Variants in PPP1R3B observed in about 807,000 individuals in gnomAD.
PPP1R3B encodes the protein PP1 subunit R4.
A neutral mutation model predicts 14.6 loss-of-function variants in PPP1R3B; 8 were observed. That is an observed-to-expected ratio of 0.55 (90% CI 0.32 to 0.99). The LOEUF (loss-of-function observed/expected upper bound fraction) is 0.99. PPP1R3B is among the 50% of genes least tolerant of loss of function. The probability of loss-of-function intolerance (pLI) is 0.04; values close to 1 mark genes in which losing one functional copy is unlikely to be tolerated. For missense variants in PPP1R3B, 452 were observed against 360.1 expected, an observed-to-expected ratio of 1.26 and a Z score of -2.07; for synonymous variants, 169 against 142.0, an observed-to-expected ratio of 1.19 and a Z score of -1.35.
In PPP1R3B at chr8:9,140,565, C is replaced by T. The variant is rs775397570; in HGVS notation, c.*229G>A. On this transcript the variant is annotated 3_prime_UTR_variant, in exon 2 of 2. Transcript: ENST00000310455. ...ACAGACTCTCGTGGCTGCCACAGTG[C>T]GAAAGCGCGCCAGCCACCACTGCTC... The T allele has an allele frequency of 5.0e-5, 29 of 578,110 alleles. No homozygotes were observed. The highest frequency in any genetic ancestry group is 2.9e-4 in the African/African-American group (14 of 48,560). The allele number at this position is 578,110 out of a possible 1,614,324, so 35.8% of individuals were successfully genotyped here.
chr8:9,141,569 G>C lies in PPP1R3B; in HGVS notation c.83C>G (p.Pro28Arg), dbSNP rs146186789. Reference sequence around the variant, plus strand: ...AGGCCTCAGTGGTTTGCTGGGCTTTGGTGAGATCTTAAAGGCAAACCTCTC... The same window carrying C: ...AGGCCTCAGTGGTTTGCTGGGCTTTCGTGAGATCTTAAAGGCAAACCTCTC... ...RQERFAFKIS[P>R]KPSKPLRPCI... Residue 28 changes from proline (P) to arginine (R), a missense_variant, in exon 2 of 2, where the codon CCA (proline) becomes CGA (arginine). Pro to Arg is a moderately radical substitution (Grantham distance 103). Transcript: ENST00000310455. 1.2e-5 allele frequency: 19 copies of C among 1,614,018 alleles called. No homozygotes were observed. In the African/African-American group the frequency reaches 1.9e-4, roughly 16 times the overall value.
intron 1 of PPP1R3B, among the ~76,000 whole-genome samples, chr8:9,143,096 A>C (rs1268320962): frequency 6.6e-6 from 1 of 152,142 alleles, no homozygotes; most frequent in East Asian, 1.9e-4. Flanking sequence ...TATTTTCCAT[A>C]ATGGCTGTAC....
Position 9,149,363 on chromosome 8 carries a change from C to T in PPP1R3B, c.-18+1200G>A, listed in dbSNP as rs148679820. Among the ~76,000 whole-genome samples, 485 of 150,736 alleles carry T rather than the reference C, an allele frequency of 3.2e-3. 3 individuals carry two copies. The highest frequency in any genetic ancestry group is 0.012 in the African/African-American group (473 of 40,970). On this transcript the variant is annotated intron_variant, in intron 1 of 1. Coordinates refer to ENST00000310455, the MANE Select transcript of PPP1R3B (RefSeq NM_024607.4). ...AAAATACAAATAAAAATTAGCTGGG[C>T]GTGGTGGCGGGCGCCTGTAGTCCCA...
upstream of PPP1R3B, chr8:9,151,366 C>A (rs1426626389): frequency 6.4e-6 from 1 of 155,974 alleles, no homozygotes; most frequent in Non-Finnish European, 1.4e-5. Flanking sequence ...CTCATAAGTC[C>A]CGAGGGCAGA....
chr8:9,147,791 A>G (rs1563128786), intron 1 of PPP1R3B, among the ~76,000 whole-genome samples: 1 of 149,624 alleles, frequency 6.7e-6, no homozygotes, highest in Non-Finnish European at 1.5e-5. Flanking sequence ...AGCTAATTAA[A>G]CAATGCTGCT....
intron 1 of PPP1R3B, among the ~76,000 whole-genome samples, chr8:9,147,587 C>A (rs943409210): frequency 7.2e-5 from 11 of 152,070 alleles, no homozygotes; most frequent in African/African-American, 2.7e-4. Context: ...ATCAAAGAAT[C>A]TACACACAGC....
chr8:9,148,653 A>G (rs188489589), intron 1 of PPP1R3B, among the ~76,000 whole-genome samples: 77 of 152,358 alleles, frequency 5.1e-4, no homozygotes, highest in African/African-American at 1.8e-3. Context: ...ATAGTTTTGC[A>G]TAAATGCTTT....
Position 9,136,683 on chromosome 8 carries a change from C to T in PPP1R3B, c.*4111G>A, listed in dbSNP as rs893754463. ...CACTGCAGGAAATTAAGATAAGCTG[C>T]CAAATTGTCTTTGTGTGACCCTATA... is the stretch of plus-strand genomic sequence containing the variant. On this transcript the variant is annotated 3_prime_UTR_variant, in exon 2 of 2. Coordinates refer to ENST00000310455, the MANE Select transcript of PPP1R3B (RefSeq NM_024607.4). 6.6e-6 allele frequency: 1 copy of T among 152,206 alleles called. No individual in the cohort carries two copies. Among genetic ancestry groups the T allele is most frequent in the Non-Finnish European group, 1.5e-5 (1 of 68,032 alleles). The allele number at this position is 152,206 out of a possible 1,614,324, so 9.4% of individuals were successfully genotyped here.
At position 9,136,452 on chromosome 8, in the gene PPP1R3B, G is replaced by C. The variant is rs1800891692; in HGVS notation, c.*4342C>G. On this transcript the variant is annotated 3_prime_UTR_variant, in exon 2 of 2. Coordinates refer to ENST00000310455, the MANE Select transcript of PPP1R3B (RefSeq NM_024607.4). Reference sequence around the variant, plus strand: ...AGGTATAAAATGAAGATGAGTCCTTGGTTCTACATTCACACTGAAGTAATA... The same window carrying C: ...AGGTATAAAATGAAGATGAGTCCTTCGTTCTACATTCACACTGAAGTAATA... 6.6e-6 allele frequency: 1 copy of C among 152,170 alleles called. No individual in the cohort carries two copies. Among genetic ancestry groups the C allele is most frequent in the Non-Finnish European group, 1.5e-5 (1 of 68,022 alleles). 9.4% of individuals were successfully genotyped at this position (152,170 alleles called of 1,614,324 possible).
At chr8:9,147,766 T>C (rs1225017397) in intron 1 of PPP1R3B, among the ~76,000 whole-genome samples, 2 of 137,724 alleles carry the variant, frequency 1.5e-5, no homozygotes, top group Non-Finnish European at 3.2e-5. Context: ...GAGGCCAGGC[T>C]CTAGTCAGAG....
intron 1 of PPP1R3B, among the ~76,000 whole-genome samples, chr8:9,149,211 C>CAAAA (rs1159925535): frequency 1.1e-5 from 1 of 92,244 alleles, no homozygotes; most frequent in African/African-American, 4.5e-5. Context: ...AAAAAAAAGG[C>CAAAA]AAAAAAAGGC....
rs1800964841 is a variant in PPP1R3B at position 9,138,439 on chromosome 8, G to GC, written c.*2354dup. 1 of 152,140 alleles carries GC rather than the reference G, an allele frequency of 6.6e-6. No homozygotes were observed. The highest frequency in any genetic ancestry group is 2.1e-4 in the South Asian group (1 of 4,826). 9.4% of individuals were successfully genotyped at this position (152,140 alleles called of 1,614,324 possible). A position where few individuals can be genotyped will look rare whatever the true frequency, so the allele number is the denominator to read the frequency against. On this transcript the variant is annotated 3_prime_UTR_variant, in exon 2 of 2. Transcript: ENST00000310455. ...TTAGGAGTAAGAATTACATCGAATA[G>GC]CCTTAAGAGCATTTAAAAAGTCAAG...
intron 1 of PPP1R3B, among the ~76,000 whole-genome samples, chr8:9,147,569 A>C (rs1352425377): frequency 6.6e-6 from 1 of 151,580 alleles, no homozygotes; most frequent in East Asian, 2.0e-4. Context: ...GCCAAAGCAA[A>C]AGGATCAATC....
intron 1 of PPP1R3B, among the ~76,000 whole-genome samples, chr8:9,146,333 GGT>G (rs980080419): frequency 1.3e-5 from 2 of 152,126 alleles, no homozygotes; most frequent in Non-Finnish European, 1.5e-5. Flanking sequence ...CACAGGTGTA[GGT>G]GTGTGATGAC....
intron 1 of PPP1R3B, among the ~76,000 whole-genome samples, chr8:9,148,353 G>A (rs553967934): frequency 1.4e-3 from 206 of 152,194 alleles, no homozygotes; most frequent in African/African-American, 4.6e-3. Context: ...CTTTTCCCAG[G>A]CCAGGGAATA....
intron 1 of PPP1R3B, among the ~76,000 whole-genome samples, chr8:9,147,995 G>C (rs1012398502): frequency 1.3e-5 from 2 of 152,116 alleles, no homozygotes; most frequent in African/African-American, 4.8e-5. Context: ...GCCTCAATCT[G>C]GGGTATGACT....
chr8:9,144,010 T>C (rs556225860), intron 1 of PPP1R3B, among the ~76,000 whole-genome samples: 6 of 151,896 alleles, frequency 4.0e-5, no homozygotes, highest in South Asian at 4.1e-4. Flanking sequence ...ATATTCCACA[T>C]AGAAAAATAA....
intron 1 of PPP1R3B, among the ~76,000 whole-genome samples, chr8:9,147,372 T>C (rs1801274072): frequency 6.6e-6 from 1 of 152,028 alleles, no homozygotes; most frequent in Non-Finnish European, 1.5e-5. Flanking sequence ...ACTCTACCCA[T>C]CCTGAAAAAT....
chr8:9,145,818 A>G (rs559813520), intron 1 of PPP1R3B, among the ~76,000 whole-genome samples: 31 of 152,360 alleles, frequency 2.0e-4, no homozygotes, highest in African/African-American at 5.3e-4. Flanking sequence ...AAATCCTCAA[A>G]TATTTTATGA....
Sources: allele counts gnomAD v4.1 joint callset (sites outside exome capture counted in the v4.1 genomes callset), GRCh38; gene constraint gnomAD v4.1.1; transcripts MANE v1.5; gene names NCBI Gene and HGNC (gene_info 2026-07-23, HGNC 2026-07-21).